Variants in GALNT8 observed in about 807,000 individuals in gnomAD.
GALNT8 encodes probable polypeptide N-acetylgalactosaminyltransferase 8.
A neutral mutation model predicts 62.7 loss-of-function variants in GALNT8; 66 were observed. That is an observed-to-expected ratio of 1.05 (90% CI 0.86 to 1.29). The LOEUF (loss-of-function observed/expected upper bound fraction) is 1.29, where lower values mean the gene tolerates loss of function less well. Among genes scored for constraint, GALNT8 ranks in the 50% most tolerant of loss-of-function variants. The pLI is 0.00. For missense variants in GALNT8, 771 were observed against 791.8 expected (o/e 0.97, Z 0.32); for synonymous variants, 288 against 294.3 (o/e 0.98, Z 0.22).
At chr12:4,768,632 C>T (rs193208853) in intron 10 of GALNT8, among the ~76,000 whole-genome samples, 1 of 152,208 alleles carries the variant, frequency 6.6e-6, no homozygotes, top group Non-Finnish European at 1.5e-5. Context: ...CAGGCTGGGT[C>T]CATTTCTATG....
At chr12:4,723,661 C>T (rs1055002158) in intron 1 of GALNT8, among the ~76,000 whole-genome samples, 14 of 151,810 alleles carry the variant, frequency 9.2e-5, no homozygotes, top group Admixed American at 2.0e-4. Flanking sequence ...ACATTTTATT[C>T]GCTCTGAAAT....
chr12:4,720,810 C>T lies in GALNT8; in HGVS notation c.133C>T (p.Leu45Phe). ...GTTTACGGGTGGTCTCCACAGGGAG[C>T]TTCCTTTACATCTGAATAAACGCTA... Reference protein sequence around the residue: ...NLFTGGLHRELPLHLNKRYGA... With the variant: ...NLFTGGLHREFPLHLNKRYGA... The change falls in exon 1 of 11, where the codon CTT becomes TTT. Residue 45 changes from leucine (L) to phenylalanine (F), a missense_variant. Physicochemically the swap from Leu to Phe is conservative, Grantham distance 22. Transcript: ENST00000252318. 1 of 1,611,634 alleles carries T rather than the reference C, an allele frequency of 6.2e-7. No individual in the cohort carries two copies. The highest frequency in any genetic ancestry group is 8.5e-7 in the Non-Finnish European group (1 of 1,177,726).
At position 4,763,384 on chromosome 12, in the gene GALNT8, T is replaced by A; in HGVS notation, c.1491T>A (p.Tyr497Ter). ...AGCCACTCCACACCATCGTGGGCTA[T>A]GGAAGAGTATGTATTATGAAATTGC... Reference protein sequence around the residue: ...LLKPLHTIVGYGRMKNLLDEN... With the variant: ...LLKPLHTIVG Residue 497 changes from tyrosine (Y) to a stop codon, truncating the protein, a stop_gained, in exon 8 of 11, where the codon TAT (tyrosine) becomes TAA (stop). Transcript: ENST00000252318. LOFTEE classifies it high-confidence loss of function. The A allele has an allele frequency of 6.2e-7, 1 of 1,610,908 alleles. No homozygotes were observed. The highest frequency in any genetic ancestry group is 1.1e-5 in the South Asian group (1 of 90,734).
chr12:4,757,734 C>T (rs1946351514), intron 6 of GALNT8, among the ~76,000 whole-genome samples: 1 of 150,750 alleles, frequency 6.6e-6, no homozygotes, highest in South Asian at 2.1e-4. Flanking sequence ...GGTTATGTGC[C>T]CAGATGTTTC....
Position 4,745,493 on chromosome 12 carries a change from A to G in GALNT8, c.925A>G (p.Asn309Asp), listed in dbSNP as rs1465756583. The change falls in exon 5 of 11, where the codon AAC becomes GAC. Residue 309 changes from asparagine to aspartate, a missense_variant. By Grantham distance (23) the Asn-to-Asp change is conservative. Coordinates refer to ENST00000252318, the MANE Select transcript of GALNT8 (RefSeq NM_017417.2). Reference sequence around the variant, plus strand: ...TGTGATTGTGTCTCCTGTGTTTGACAACATTCGTTTTGACACCTTCAAACT... The same window carrying G: ...TGTGATTGTGTCTCCTGTGTTTGACGACATTCGTTTTGACACCTTCAAACT... Reference protein sequence around the residue: ...RTVIVSPVFDNIRFDTFKLDK... With the variant: ...RTVIVSPVFDDIRFDTFKLDK... 1.2e-6 allele frequency: 2 copies of G among 1,613,076 alleles called. No individual in the cohort carries two copies.
At chr12:4,733,394 G>T (rs1946229360) in intron 2 of GALNT8, among the ~76,000 whole-genome samples, 1 of 152,164 alleles carries the variant, frequency 6.6e-6, no homozygotes, top group African/African-American at 2.4e-5. Context: ...TTGATATACG[G>T]TGGGTAAGAA....
intron 2 of GALNT8, among the ~76,000 whole-genome samples, chr12:4,732,036 G>T (rs1458443821): frequency 6.6e-6 from 1 of 151,032 alleles, no homozygotes; most frequent in Non-Finnish European, 1.5e-5. Context: ...TGCACAGGTT[G>T]CATACCATAA....
In GALNT8 at chr12:4,720,626, C is replaced by A; in HGVS notation, c.-52C>A. ...GGCTGGTTCTGATTCTTAACCTGCT[C>A]CAGCAGTGACACACTCAGTCCCACA... On this transcript the variant is annotated 5_prime_UTR_variant, in exon 1 of 11. Coordinates refer to ENST00000252318, the MANE Select transcript of GALNT8 (RefSeq NM_017417.2). The A allele has an allele frequency of 8.7e-7, 1 of 1,151,926 alleles. No homozygotes were observed. The highest frequency in any genetic ancestry group is 1.3e-6 in the Non-Finnish European group (1 of 758,484). The allele number at this position is 1,151,926 out of a possible 1,614,324, so 71.4% of individuals were successfully genotyped here. A position where few individuals can be genotyped will look rare whatever the true frequency, so the allele number is the denominator to read the frequency against.
intron 2 of GALNT8, 118 bp from the exon 3 acceptor site, chr12:4,739,045 A>G (rs1946258302): frequency 1.8e-6 from 1 of 549,658 alleles, no homozygotes; most frequent in Non-Finnish European, 3.0e-6. Flanking sequence ...CTTTCCAGTG[A>G]GTTTGAGGGG....
chr12:4,760,322 G>A (rs935291589), intron 6 of GALNT8, among the ~76,000 whole-genome samples: 1 of 152,204 alleles, frequency 6.6e-6, no homozygotes, highest in African/African-American at 2.4e-5. Flanking sequence ...CCCTTTTTAT[G>A]TGTTAGCTGA....
chr12:4,769,160 A>G (rs540582072), intron 10 of GALNT8, among the ~76,000 whole-genome samples: 27 of 152,334 alleles, frequency 1.8e-4, no homozygotes, highest in Admixed American at 7.2e-4. Flanking sequence ...GCAACAGCTC[A>G]CAATACAAAG....
Position 4,739,161 on chromosome 12 carries a change from A to G in GALNT8, c.510-2A>G. The G allele has an allele frequency of 1.3e-6, 2 of 1,594,850 alleles. No homozygotes were observed. Among genetic ancestry groups the G allele is most frequent in the South Asian group, 1.1e-5 (1 of 89,600 alleles). ...ATATGTTATAAAAATGGTCTCTTAT[A>G]GATGTCTTCGGAAGACATATCCTTC... On this transcript the variant is annotated splice_acceptor_variant, in intron 2 of 10. Coordinates refer to ENST00000252318, the MANE Select transcript of GALNT8 (RefSeq NM_017417.2). LOFTEE classifies it high-confidence loss of function.
chr12:4,725,357 A>AAC (rs1946189907), intron 1 of GALNT8, among the ~76,000 whole-genome samples: 1 of 152,150 alleles, frequency 6.6e-6, no homozygotes, highest in Admixed American at 6.5e-5. Flanking sequence ...TTCTGCATAA[A>AAC]ACATCCTCTG....
chr12:4,741,969 A>G (rs1946274405), intron 3 of GALNT8, among the ~76,000 whole-genome samples: 1 of 152,250 alleles, frequency 6.6e-6, no homozygotes, highest in Non-Finnish European at 1.5e-5. Context: ...TATGTTAAAC[A>G]GGAGAATAAA....
In GALNT8 at chr12:4,726,892, G is replaced by A; in HGVS notation, c.509+63G>A. 7.1e-7 allele frequency: 1 copy of A among 1,405,130 alleles called. No individual in the cohort carries two copies. The allele number at this position is 1,405,130 out of a possible 1,614,324, so 87.0% of individuals were successfully genotyped here. ...TTTGATTTGAGGATGAGCTTTGGGAGCAGTGAACATTGAAGGCTGGGGGAG... is the reference window on the plus strand; with the variant it reads ...TTTGATTTGAGGATGAGCTTTGGGAACAGTGAACATTGAAGGCTGGGGGAG... On this transcript the variant is annotated intron_variant, in intron 2 of 10. Transcript: ENST00000252318. This position sits in a 1 kb window ranked among gnomAD's most constrained non-coding sequence, Gnocchi z 4.1.
At chr12:4,760,930 C>T (rs1290073540) in intron 6 of GALNT8, 28 bp from the exon 7 acceptor site, 23 of 1,598,308 alleles carry the variant, frequency 1.4e-5, no homozygotes, top group Middle Eastern at 1.7e-4. Context: ...CTGTGAAGCA[C>T]GGGTGATTTT....
At chr12:4,766,197 C>T (rs1317332341) in intron 10 of GALNT8, among the ~76,000 whole-genome samples, 1 of 151,956 alleles carries the variant, frequency 6.6e-6, no homozygotes, top group African/African-American at 2.4e-5. Context: ...GTAAGAAACA[C>T]TGAGTCTCTT....
Position 4,744,588 on chromosome 12 carries a change from A to C in GALNT8, c.748A>C (p.Ile250Leu), listed in dbSNP as rs775406245. The C allele has an allele frequency of 1.2e-6, 2 of 1,613,170 alleles. No individual in the cohort carries two copies. Among genetic ancestry groups the C allele is most frequent in the South Asian group, 2.2e-5 (2 of 91,052 alleles). Residue 250 changes from isoleucine to leucine, a missense_variant, in exon 4 of 11, where the codon ATA becomes CTA. Ile to Leu is a conservative substitution (Grantham distance 5). Transcript: ENST00000252318. The stretch of plus-strand genomic sequence containing the variant: ...GAAGTATCCAGGACTACTGAAAATA[A>C]TACGGCATCCTGAAAGGAAAGGTCT... Reference protein sequence around the residue: ...NQKYPGLLKIIRHPERKGLAQ... With the variant: ...NQKYPGLLKILRHPERKGLAQ...
intron 6 of GALNT8, among the ~76,000 whole-genome samples, chr12:4,752,619 C>G (rs1209490767): frequency 1.3e-5 from 2 of 150,140 alleles, no homozygotes; most frequent in Non-Finnish European, 3.0e-5. Context: ...TTATATCTTA[C>G]TGTACTATGT....
Sources: allele counts gnomAD v4.1 joint callset (sites outside exome capture counted in the v4.1 genomes callset), GRCh38; gene constraint gnomAD v4.1.1; non-coding constraint Gnocchi (gnomAD v3.1); transcripts MANE v1.5; gene names NCBI Gene and HGNC (gene_info 2026-07-23, HGNC 2026-07-21).